Variants in LILRA2 observed in about 807,000 individuals in gnomAD.
LILRA2 encodes leukocyte immunoglobulin like receptor A2.
In LILRA2, 45 loss-of-function variants were observed where a neutral mutation model predicts 47.9. That is an observed-to-expected ratio of 0.94 (90% CI 0.74 to 1.20). The LOEUF is 1.20. Among genes scored for constraint, LILRA2 ranks in the 50% most tolerant of loss-of-function variants. LILRA2 has a pLI of 0.00. For synonymous variants in LILRA2, 279 were observed against 249.2 expected (o/e 1.12, Z -1.13); for missense variants, 651 against 598.2 (o/e 1.09, Z -0.92).
chr19:54,577,899 C>T (rs1210465291), intron 6 of LILRA2, among the ~76,000 whole-genome samples: 1 of 151,724 alleles, frequency 6.6e-6, no homozygotes. Context: ...CTTATTTATA[C>T]TCCCCTTTAA....
chr19:54,573,627 C>G (rs143490873), upstream of LILRA2: 1 of 843,900 alleles, frequency 1.2e-6, no homozygotes, highest in Non-Finnish European at 1.8e-6. Flanking sequence ...CAGACAGTGG[C>G]TGGGGGGCAG....
intron 6 of LILRA2, among the ~76,000 whole-genome samples, chr19:54,585,291 C>T (rs2062763918): frequency 6.6e-6 from 1 of 152,212 alleles, no homozygotes; most frequent in Non-Finnish European, 1.5e-5. Flanking sequence ...TAATGCGGTG[C>T]TGAGAGAACC....
Position 54,574,547 on chromosome 19 carries a change from C to T in LILRA2, c.317C>T (p.Ser106Leu), listed in dbSNP as rs199926951. 3.5e-5 allele frequency: 57 copies of T among 1,613,100 alleles called. No individual in the cohort carries two copies. The highest frequency in any genetic ancestry group is 1.8e-4 in the Admixed American group (11 of 60,016). The change falls in exon 3 of 8, where the codon TCA becomes TTA. Residue 106 changes from serine to leucine, a missense_variant. Coordinates refer to ENST00000391738, the MANE Select transcript of LILRA2 (RefSeq NM_001130917.3). ...HCQYYSHNHSSEYSDPLELVV... is the reference protein window; with the variant it reads ...HCQYYSHNHSLEYSDPLELVV... ...CAGTACTACAGCCACAATCACTCAT[C>T]AGAGTACAGTGACCCCCTGGAGCTG...
chr19:54,587,775 C>T lies in LILRA2; in HGVS notation c.*429C>T. On this transcript the variant is annotated 3_prime_UTR_variant, in exon 8 of 8. Coordinates refer to ENST00000391738, the MANE Select transcript of LILRA2 (RefSeq NM_001130917.3). The stretch of plus-strand genomic sequence containing the variant: ...CAGAGATCCAAACCTGAACCACCAA[C>T]TAAATCAACGACAGGAGATCAGATT... 5.7e-6 allele frequency: 1 copy of T among 175,534 alleles called. No individual in the cohort carries two copies. Among genetic ancestry groups the T allele is most frequent in the Admixed American group, 5.6e-5 (1 of 17,870 alleles). The allele number at this position is 175,534 out of a possible 1,614,324, so 10.9% of individuals were successfully genotyped here. A position where few individuals can be genotyped will look rare whatever the true frequency, so the allele number is the denominator to read the frequency against.
At chr19:54,577,629 C>A (rs895049763) in intron 6 of LILRA2, 1 of 1,288,426 alleles carries the variant, frequency 7.8e-7, no homozygotes, top group Non-Finnish European at 1.0e-6. Context: ...GGGTGCCGCT[C>A]ACACTGCCCC....
intron 6 of LILRA2, among the ~76,000 whole-genome samples, chr19:54,583,416 T>G (rs1237128668): frequency 6.6e-6 from 1 of 152,180 alleles, no homozygotes; most frequent in East Asian, 1.9e-4. Flanking sequence ...CTAAGTCTTT[T>G]TGTAGGTCTC....
In LILRA2 at chr19:54,575,501, C is replaced by A; in HGVS notation, c.901C>A (p.Leu301Ile). ...GQYRCYSAHN[L>I]SSEWSAPSDP... The stretch of plus-strand genomic sequence containing the variant: ...GTACAGATGCTACAGTGCACACAAC[C>A]TCTCCTCCGAGTGGTCGGCCCCCAG... The change falls in exon 5 of 8, where the codon CTC becomes ATC. Residue 301 changes from leucine to isoleucine, a missense_variant. Transcript: ENST00000391738. The A allele has an allele frequency of 6.2e-7, 1 of 1,611,980 alleles. No individual in the cohort carries two copies. The highest frequency in any genetic ancestry group is 8.5e-7 in the Non-Finnish European group (1 of 1,179,742).
rs528545440 is a variant in LILRA2 at position 54,587,978 on chromosome 19, C to T, written c.*632C>T. 566 of 152,936 alleles carry T rather than the reference C, an allele frequency of 3.7e-3. No homozygotes were observed. The South Asian group carries it at 0.073, about 20-fold the overall frequency. The allele number at this position is 152,936 out of a possible 1,614,324, so 9.5% of individuals were successfully genotyped here. A position where few individuals can be genotyped will look rare whatever the true frequency, so the allele number is the denominator to read the frequency against. ...TATGCTGATTCAGAAAAAGACATCT[C>T]TAAAATACTGTAATTAGTGGTATCT... is the stretch of plus-strand genomic sequence containing the variant. On this transcript the variant is annotated 3_prime_UTR_variant, in exon 8 of 8. Coordinates refer to ENST00000391738, the MANE Select transcript of LILRA2 (RefSeq NM_001130917.3).
At position 54,575,451 on chromosome 19, in the gene LILRA2, C is replaced by T; in HGVS notation, c.851C>T (p.Pro284Leu). 3.1e-6 allele frequency: 5 copies of T among 1,613,908 alleles called. No individual in the cohort carries two copies. Among genetic ancestry groups the T allele is most frequent in the South Asian group, 2.2e-5 (2 of 91,064 alleles). Residue 284 changes from proline to leucine, a missense_variant, in exon 5 of 8, where the codon CCT (proline) becomes CTT (leucine). By Grantham distance (98) the Pro-to-Leu change is moderately conservative. Coordinates refer to ENST00000391738, the MANE Select transcript of LILRA2 (RefSeq NM_001130917.3). ...TCCCAGGCCAACTTCACCCTGGGCCCTGTGAGCCCCTCCCACGGGGGCCAG... is the reference window on the plus strand; with the variant it reads ...TCCCAGGCCAACTTCACCCTGGGCCTTGTGAGCCCCTCCCACGGGGGCCAG... ...GLSQANFTLG[P>L]VSPSHGGQYR...
chr19:54,576,199 G>T, intron 6 of LILRA2, 90 bp downstream of exon 6: 1 of 1,584,368 alleles, frequency 6.3e-7, no homozygotes, highest in South Asian at 1.1e-5. Context: ...TGAATGAGGG[G>T]AGTGAAGCGG....
chr19:54,584,147 A>G (rs1037238900), intron 6 of LILRA2, among the ~76,000 whole-genome samples: 17 of 152,178 alleles, frequency 1.1e-4, no homozygotes, highest in African/African-American at 3.9e-4. Context: ...ATCCGCTGTT[A>G]GTCTGATGGG....
chr19:54,575,189 G>A (rs1457779233), intron 4 of LILRA2, 67 bp from the exon 5 acceptor site: 3 of 1,540,590 alleles, frequency 1.9e-6, no homozygotes, highest in East Asian at 2.3e-5. Context: ...AGATCAGCGG[G>A]GGAGAGGGAG....
intron 6 of LILRA2, among the ~76,000 whole-genome samples, chr19:54,583,850 C>T (rs888712466): frequency 3.9e-5 from 6 of 152,244 alleles, no homozygotes; most frequent in Middle Eastern, 3.4e-3. Context: ...TTAATTGATG[C>T]AGTTTCTTCA....
chr19:54,585,920 T>A (rs997937294), intron 6 of LILRA2, among the ~76,000 whole-genome samples: 3 of 152,184 alleles, frequency 2.0e-5, no homozygotes, highest in Admixed American at 1.3e-4. Context: ...ATATTTTTTT[T>A]AAAGAAGGAT....
At chr19:54,583,932 G>C (rs1199606615) in intron 6 of LILRA2, among the ~76,000 whole-genome samples, 1 of 152,116 alleles carries the variant, frequency 6.6e-6, no homozygotes, top group African/African-American at 2.4e-5. Context: ...TCCATGTTTA[G>C]TGCTTCCTTC....
upstream of LILRA2, chr19:54,573,530 AC>A: frequency 1.2e-6 from 1 of 869,566 alleles, no homozygotes; most frequent in Non-Finnish European, 1.9e-6. Flanking sequence ...GCCTCTGCTC[AC>A]CCTCATCTGG....
chr19:54,576,047 C>T lies in LILRA2; in HGVS notation c.1193C>T (p.Ser398Leu). The T allele has an allele frequency of 6.2e-7, 1 of 1,614,016 alleles. No individual in the cohort carries two copies. The highest frequency in any genetic ancestry group is 1.3e-5 in the African/African-American group (1 of 75,006). The change falls in exon 6 of 8, where the codon TCA becomes TTA. Residue 398 changes from serine (S) to leucine (L), a missense_variant. Physicochemically the swap from Ser to Leu is moderately radical, Grantham distance 145. Transcript: ENST00000391738. ...AHVGTYRCYS[S>L]LSSNPYLLSL... is the part of the protein sequence containing the mutation. ...GTGGGGACCTACAGATGCTACAGCT[C>T]ACTCAGCTCCAACCCCTACCTGCTG...
chr19:54,576,648 G>A (rs959793406), intron 6 of LILRA2, among the ~76,000 whole-genome samples: 10 of 152,386 alleles, frequency 6.6e-5, no homozygotes, highest in Admixed American at 5.2e-4. Context: ...GGTGTTCAGA[G>A]GGGAGGGAGG....
At chr19:54,576,685 G>A (rs180953628) in intron 6 of LILRA2, among the ~76,000 whole-genome samples, 233 of 152,364 alleles carry the variant, frequency 1.5e-3, no homozygotes, top group Non-Finnish European at 2.4e-3. Context: ...TTGATGAGCG[G>A]AGCAGAGGGA....
Sources: allele counts gnomAD v4.1 joint callset (sites outside exome capture counted in the v4.1 genomes callset), GRCh38; gene constraint gnomAD v4.1.1; transcripts MANE v1.5; gene names NCBI Gene and HGNC (gene_info 2026-07-23, HGNC 2026-07-21).